UBE2J2: variants seen among roughly 807,000 people sequenced by gnomAD.
The protein encoded by UBE2J2 is ubiquitin-conjugating enzyme E2 J2.
In UBE2J2, 5 loss-of-function variants were observed where a neutral mutation model predicts 28.6. The ratio of observed to expected loss-of-function variants is 0.17; its 90% CI spans 0.09 to 0.37. The LOEUF is 0.37. Among genes scored for constraint, UBE2J2 ranks in the 10% least tolerant of loss-of-function variants. The probability of loss-of-function intolerance (pLI) is 1.00; values close to 1 mark genes in which losing one functional copy is unlikely to be tolerated. For synonymous variants in UBE2J2, 138 were observed against 139.7 expected (o/e 0.99, Z 0.09); for missense variants, 226 against 338.9 (o/e 0.67, Z 2.62).
chr1:1,267,774 G>A (rs1639952019), intron 2 of UBE2J2, 88 bp downstream of exon 2: 1 of 1,575,610 alleles, frequency 6.3e-7, no homozygotes, highest in Admixed American at 1.7e-5. Flanking sequence ...TGCCATGACT[G>A]GGGCACCAGG....
At chr1:1,261,474 T>G (rs908413319) in intron 3 of UBE2J2, among the ~76,000 whole-genome samples, 1 of 152,126 alleles carries the variant, frequency 6.6e-6, no homozygotes. Flanking sequence ...TCCAGCCCTG[T>G]TGGGGGAGCA....
chr1:1,262,176 G>A (rs956301339), intron 3 of UBE2J2: 3 of 366,200 alleles, frequency 8.2e-6, no homozygotes, highest in Non-Finnish European at 1.6e-5. Flanking sequence ...TCACTCGGTG[G>A]TATATATTCT....
chr1:1,272,626 G>A (rs1184300046), intron 1 of UBE2J2, among the ~76,000 whole-genome samples: 2 of 152,094 alleles, frequency 1.3e-5, no homozygotes, highest in Non-Finnish European at 2.9e-5. Flanking sequence ...TGGGTCACCT[G>A]CCTGTCACTC....
intron 3 of UBE2J2, among the ~76,000 whole-genome samples, chr1:1,259,805 G>A (rs1029461394): frequency 3.3e-5 from 5 of 152,160 alleles, no homozygotes; most frequent in Non-Finnish European, 7.3e-5. Flanking sequence ...CGGGGCTCGT[G>A]CCCGCTTGTA....
At chr1:1,273,333 G>C (rs563106877) in intron 1 of UBE2J2, 1 of 152,226 alleles carries the variant, frequency 6.6e-6, no homozygotes, top group Non-Finnish European at 1.5e-5. Flanking sequence ...CGGGCTCGAC[G>C]GCAGCCCTCC....
intron 6 of UBE2J2, among the ~76,000 whole-genome samples, chr1:1,255,820 G>A (rs775552043): frequency 3.9e-5 from 6 of 152,334 alleles, no homozygotes; most frequent in African/African-American, 1.2e-4. Context: ...CGAGCTCCAC[G>A]CCCCTGTGGG....
chr1:1,254,990 C>A lies in UBE2J2; in HGVS notation c.*213G>T. The A allele has an allele frequency of 1.9e-6, 1 of 526,604 alleles. No homozygotes were observed. The highest frequency in any genetic ancestry group is 3.3e-6 in the Non-Finnish European group (1 of 302,344). 32.6% of individuals were successfully genotyped at this position (526,604 alleles called of 1,614,324 possible). A position where few individuals can be genotyped will look rare whatever the true frequency, so the allele number is the denominator to read the frequency against. ...AGCACACAAGGCCCACCCACACCAG[C>A]CCCAGCGGCCCGTGGCCAGGACAGG... On this transcript the variant is annotated 3_prime_UTR_variant, in exon 7 of 7. Coordinates refer to ENST00000349431, the MANE Select transcript of UBE2J2 (RefSeq NM_058167.3).
chr1:1,261,368 G>A (rs1557556492), intron 3 of UBE2J2, among the ~76,000 whole-genome samples: 1 of 152,170 alleles, frequency 6.6e-6, no homozygotes, highest in Non-Finnish European at 1.5e-5. Context: ...CAACGGAAGC[G>A]ATGGGAGGGG....
intron 3 of UBE2J2, among the ~76,000 whole-genome samples, chr1:1,258,773 A>G (rs1639362204): frequency 6.6e-6 from 1 of 152,068 alleles, no homozygotes; most frequent in Non-Finnish European, 1.5e-5. Context: ...CTTCAAATCA[A>G]TCTAGAGCCG....
In UBE2J2 at chr1:1,254,010, C is replaced by CA. The variant is rs1639043884; in HGVS notation, c.*1192dup. 6.6e-6 allele frequency: 1 copy of CA among 152,164 alleles called. No homozygotes were observed. The highest frequency in any genetic ancestry group is 6.5e-5 in the Admixed American group (1 of 15,284). 9.4% of individuals were successfully genotyped at this position (152,164 alleles called of 1,614,324 possible). On this transcript the variant is annotated 3_prime_UTR_variant, in exon 7 of 7. Transcript: ENST00000349431. ...ATAGAGCAATTCTGAATAAACTGATCAAAAAACGAAGAAAGATGAGCGCGT... is the reference window on the plus strand; with the variant it reads ...ATAGAGCAATTCTGAATAAACTGATCAAAAAAACGAAGAAAGATGAGCGCGT...
At chr1:1,260,291 C>A (rs576265758) in intron 3 of UBE2J2, among the ~76,000 whole-genome samples, 2 of 152,332 alleles carry the variant, frequency 1.3e-5, no homozygotes, top group East Asian at 3.9e-4. Flanking sequence ...AAGAAACAGG[C>A]TTGCTTAAAA....
intron 3 of UBE2J2, among the ~76,000 whole-genome samples, chr1:1,258,993 G>C (rs1639379674): frequency 6.6e-6 from 1 of 152,248 alleles, no homozygotes; most frequent in Admixed American, 6.5e-5. Flanking sequence ...GTTGACGTGT[G>C]TGTGCATGCC....
chr1:1,262,483 T>A, intron 3 of UBE2J2: 1 of 343,216 alleles, frequency 2.9e-6, no homozygotes, highest in Admixed American at 3.9e-5. Context: ...CCCACAACCC[T>A]CCCGACAGTC....
intron 1 of UBE2J2, among the ~76,000 whole-genome samples, chr1:1,272,324 C>T (rs1000524309): frequency 6.6e-6 from 1 of 152,228 alleles, no homozygotes; most frequent in African/African-American, 2.4e-5. Flanking sequence ...AATGTTCACA[C>T]ACAGAAACTG....
chr1:1,266,759 A>G (rs1228552752), intron 2 of UBE2J2, among the ~76,000 whole-genome samples: 3 of 151,382 alleles, frequency 2.0e-5, no homozygotes, highest in Non-Finnish European at 3.0e-5. Flanking sequence ...CCCGGCAGGC[A>G]GAGCTTGCAG....
At chr1:1,255,960 G>A (rs1639150787) in intron 6 of UBE2J2, 85 bp downstream of exon 6, 1 of 1,032,766 alleles carries the variant, frequency 9.7e-7, no homozygotes, top group Admixed American at 1.8e-5. Context: ...TGCAGCTTCA[G>A]GACACAGATT....
At chr1:1,262,375 T>A (rs148175633) in intron 3 of UBE2J2, 2 of 455,256 alleles carry the variant, frequency 4.4e-6, no homozygotes, top group East Asian at 1.4e-4. Flanking sequence ...TTGCAGATGA[T>A]CCAGAACTGG....
intron 1 of UBE2J2, chr1:1,273,234 C>T (rs1640254194): frequency 6.6e-6 from 1 of 152,186 alleles, no homozygotes; most frequent in Admixed American, 6.5e-5. Flanking sequence ...CCCAGAAACG[C>T]TGGCCCTAAG....
At chr1:1,257,364 T>C in intron 3 of UBE2J2, 54 bp from the exon 4 acceptor site, 1 of 910,144 alleles carries the variant, frequency 1.1e-6, no homozygotes, top group Non-Finnish European at 1.6e-6. Flanking sequence ...CAGGGGCTCC[T>C]GGAGACCTCG....
Sources: gnomAD v4.1 joint callset for allele counts (sites outside exome capture counted in the v4.1 genomes callset) on GRCh38, gnomAD v4.1.1 for gene constraint, MANE v1.5 for transcripts, NCBI Gene and HGNC (gene_info 2026-07-23, HGNC 2026-07-21) for gene names.